Variants in PVALEF observed in about 807,000 individuals in gnomAD.
PVALEF encodes the protein parvalbumin-like EF-hand-containing protein.
In PVALEF, 2 loss-of-function variants were observed where a neutral mutation model predicts 1.2. The observed-to-expected ratio is 1.68, with a 90% CI of 0.69 to 5.28. The LOEUF (loss-of-function observed/expected upper bound fraction) is 5.28. PVALEF is among the 30% of genes most tolerant of loss of function. PVALEF has a pLI of 0.06. For missense variants in PVALEF, 35 were observed against 17.7 expected, an observed-to-expected ratio of 1.97 and a Z score of -1.75; for synonymous variants, 16 against 6.5, an observed-to-expected ratio of 2.47 and a Z score of -2.24.
At chr17:81,171,084 GGGGCA>G (rs1469328018) in intron 2 of PVALEF, among the ~76,000 whole-genome samples, 1 of 152,220 alleles carries the variant, frequency 6.6e-6, no homozygotes, top group Non-Finnish European at 1.5e-5. Flanking sequence ...CCTCCCCAAG[GGGGCA>G]GTGCCTGTCT....
intron 3 of PVALEF, 22 bp from the exon 4 acceptor site, chr17:81,181,101 T>C: frequency 1.6e-6 from 1 of 636,550 alleles, no homozygotes; most frequent in Non-Finnish European, 2.9e-6. Context: ...CTGTGACGCC[T>C]GTCACCATTC....
At chr17:81,165,782 A>G (rs1335038023) in intron 1 of PVALEF, 35 bp downstream of exon 1, 1 of 1,505,156 alleles carries the variant, frequency 6.6e-7, no homozygotes, top group Non-Finnish European at 8.9e-7. Flanking sequence ...CCCCTCCGAG[A>G]TCTGGGGCCG....
chr17:81,182,535 G>A (rs113858770), intron 6 of PVALEF, among the ~76,000 whole-genome samples: 1 of 152,220 alleles, frequency 6.6e-6, no homozygotes, highest in South Asian at 2.1e-4. Flanking sequence ...CAGCAAACCT[G>A]GCTTGTGGCG....
chr17:81,169,871 T>C (rs2061512822), intron 2 of PVALEF, among the ~76,000 whole-genome samples: 1 of 152,074 alleles, frequency 6.6e-6, no homozygotes. Context: ...TTCAGTTGCG[T>C]GTGTTGGTGT....
At chr17:81,174,717 AGGC>A (rs1037480479) in intron 2 of PVALEF, among the ~76,000 whole-genome samples, 6 of 152,194 alleles carry the variant, frequency 3.9e-5, no homozygotes, top group Non-Finnish European at 8.8e-5. Context: ...TGGGAGGCCA[AGGC>A]GGGTGGATCA....
Position 81,166,682 on chromosome 17 carries a change from G to A in PVALEF, c.-502G>A, listed in dbSNP as rs987004105. The A allele has an allele frequency of 2.2e-5, 10 of 453,644 alleles. No homozygotes were observed. Among genetic ancestry groups the A allele is most frequent in the South Asian group, 3.1e-5 (2 of 64,420 alleles). The allele number at this position is 453,644 out of a possible 1,614,324, so 28.1% of individuals were successfully genotyped here. Reference sequence around the variant, plus strand: ...GGCCCTCGCCTCACTTGCAGGTTTCGAGGCGGCTGGCAGCCGCCCCCCCAC... The same window carrying A: ...GGCCCTCGCCTCACTTGCAGGTTTCAAGGCGGCTGGCAGCCGCCCCCCCAC... On this transcript the variant is annotated 5_prime_UTR_variant, in exon 2 of 7. Transcript: ENST00000637878.
At chr17:81,166,447 G>A (rs1423773546) in intron 1 of PVALEF, among the ~76,000 whole-genome samples, 2 of 110,034 alleles carry the variant, frequency 1.8e-5, no homozygotes, top group African/African-American at 7.0e-5. Context: ...GGAGTGGGGG[G>A]ATGGTCCGGA....
intron 2 of PVALEF, among the ~76,000 whole-genome samples, chr17:81,178,666 C>T (rs2061543317): frequency 6.6e-6 from 1 of 152,044 alleles, no homozygotes; most frequent in Admixed American, 6.5e-5. Context: ...CAACCTGTTT[C>T]CTGCACCAGA....
chr17:81,174,470 A>G (rs1330912012), intron 2 of PVALEF, among the ~76,000 whole-genome samples: 1 of 151,566 alleles, frequency 6.6e-6, no homozygotes, highest in South Asian at 2.1e-4. Context: ...CTCTACTAAA[A>G]ATTACAAAAA....
At chr17:81,181,440 C>T (rs377106235) in intron 4 of PVALEF, 108 bp downstream of exon 4, 80 of 518,298 alleles carry the variant, frequency 1.5e-4, no homozygotes, top group African/African-American at 1.0e-3. Context: ...CCAGGACCTG[C>T]GGCGGGCGGG....
chr17:81,182,151 G>GC (rs1486593082), intron 6 of PVALEF, 70 bp downstream of exon 6: 14 of 398,292 alleles, frequency 3.5e-5, no homozygotes, highest in South Asian at 1.3e-4. Flanking sequence ...CTTGCCCATG[G>GC]CCCCGCCCCG....
At chr17:81,165,840 G>A in intron 1 of PVALEF, 93 bp downstream of exon 1, 1 of 1,525,448 alleles carries the variant, frequency 6.6e-7, no homozygotes, top group Non-Finnish European at 8.8e-7. Context: ...CGGGGAAAGG[G>A]TTAATTTCCA....
rs563836991 is a variant in PVALEF at position 81,179,005 on chromosome 17, G to T, written c.-252G>T. On this transcript the variant is annotated 5_prime_UTR_variant, in exon 3 of 7. Transcript: ENST00000637878. ...GCCTGCGAGCCCCTGGGAGCTGCCC[G>T]TGCCAGGCTGGAGTGCCGGGGAGGG... 5 of 443,074 alleles carry T rather than the reference G, an allele frequency of 1.1e-5. No individual in the cohort carries two copies. The highest frequency in any genetic ancestry group is 7.3e-5 in the Admixed American group (3 of 41,080). 27.4% of individuals were successfully genotyped at this position (443,074 alleles called of 1,614,324 possible).
intron 6 of PVALEF, among the ~76,000 whole-genome samples, 165 bp downstream of exon 6, chr17:81,182,246 G>C (rs1466614214): frequency 6.6e-6 from 1 of 152,262 alleles, no homozygotes; most frequent in Non-Finnish European, 1.5e-5. Context: ...CCTGGGCCAA[G>C]GGCCCCACTG....
At chr17:81,175,430 G>T (rs2061533400) in intron 2 of PVALEF, among the ~76,000 whole-genome samples, 1 of 152,126 alleles carries the variant, frequency 6.6e-6, no homozygotes, top group South Asian at 2.1e-4. Flanking sequence ...GAAATAGGAA[G>T]CCCATCCTAA....
intron 4 of PVALEF, 90 bp from the exon 5 acceptor site, chr17:81,181,469 C>T (rs945678708): frequency 4.0e-6 from 2 of 501,072 alleles, no homozygotes; most frequent in South Asian, 7.0e-5. Flanking sequence ...GGTGCAGGAC[C>T]CGGCAGCCCC....
At chr17:81,170,313 A>G (rs1287758655) in intron 2 of PVALEF, among the ~76,000 whole-genome samples, 3 of 142,336 alleles carry the variant, frequency 2.1e-5, no homozygotes, top group Non-Finnish European at 4.6e-5. Flanking sequence ...CTGTGTTGGT[A>G]TGTAGGGGTG....
At chr17:81,168,804 G>C (rs1405821563) in intron 2 of PVALEF, among the ~76,000 whole-genome samples, 1 of 152,188 alleles carries the variant, frequency 6.6e-6, no homozygotes, top group Non-Finnish European at 1.5e-5. Flanking sequence ...CTGGGGGTCT[G>C]GGGATTAGAG....
intron 3 of PVALEF, among the ~76,000 whole-genome samples, chr17:81,179,727 G>A (rs1232594086): frequency 6.6e-6 from 1 of 152,188 alleles, no homozygotes; most frequent in Non-Finnish European, 1.5e-5. Context: ...GGTGGCAGAG[G>A]CTAGTTGCTG....
Sources: allele counts gnomAD v4.1 joint callset (sites outside exome capture counted in the v4.1 genomes callset), GRCh38; gene constraint gnomAD v4.1.1; transcripts MANE v1.5; gene names NCBI Gene and HGNC (gene_info 2026-07-23, HGNC 2026-07-21).